The following LEPR variants were observed in gnomAD, a reference collection of about 807,000 sequenced individuals.
The protein encoded by LEPR is leptin receptor, also known as OB receptor.
Under a neutral mutation model 114.7 loss-of-function variants are expected in LEPR, and 56 were observed. That is an observed-to-expected ratio of 0.49 (90% CI 0.39 to 0.61). LEPR has a LOEUF of 0.61. Ranked by LOEUF, LEPR falls within the 20% of genes least tolerant of loss-of-function variation. The pLI is 0.00. For synonymous variants in LEPR, 443 were observed against 461.4 expected (o/e 0.96, Z 0.51); for missense variants, 1,202 against 1,352.9 (o/e 0.89, Z 1.75).
chr1:65,462,956 T>C (rs1448803416), intron 2 of LEPR, among the ~76,000 whole-genome samples: 3 of 152,228 alleles, frequency 2.0e-5, no homozygotes, highest in East Asian at 3.9e-4. Flanking sequence ...GCCTGTTCAC[T>C]CTGATGATAG....
intron 2 of LEPR, among the ~76,000 whole-genome samples, chr1:65,425,736 G>T (rs954364141): frequency 6.6e-6 from 1 of 152,208 alleles, no homozygotes; most frequent in Admixed American, 6.5e-5. Context: ...AGCACAGTAC[G>T]CTGGAGCTCG....
intron 2 of LEPR, among the ~76,000 whole-genome samples, chr1:65,464,170 A>G (rs1646981147): frequency 6.6e-6 from 1 of 152,130 alleles, no homozygotes; most frequent in African/African-American, 2.4e-5. Context: ...TTTGTCATAA[A>G]TGGCTCTTAT....
chr1:65,522,703 T>C (rs368276116), intron 2 of LEPR, among the ~76,000 whole-genome samples: 2 of 152,340 alleles, frequency 1.3e-5, no homozygotes, highest in African/African-American at 4.8e-5. Flanking sequence ...TTTAAGTAAC[T>C]ATAATTTCAG....
At position 65,495,885 on chromosome 1, in the gene LEPR, A is replaced by G. The variant is rs185403119; in HGVS notation, c.-20-69661A>G. On this transcript the variant is annotated intron_variant, in intron 2 of 19. Transcript: ENST00000349533. ...AGAATTAGAGAGTAGAATAGTGGTT[A>G]TCAGAGCTTGGGATGGGTAGGGGAG... Among the ~76,000 whole-genome samples, 411 of 152,314 alleles carry G rather than the reference A, an allele frequency of 2.7e-3. 4 individuals are homozygous for G. The highest frequency in any genetic ancestry group is 0.024 in the Admixed American group (372 of 15,302).
intron 2 of LEPR, among the ~76,000 whole-genome samples, chr1:65,487,801 A>C (rs1647571121): frequency 1.3e-5 from 2 of 152,070 alleles, no homozygotes; most frequent in South Asian, 4.1e-4. Flanking sequence ...GTAACACCTC[A>C]GGGTAATTGG....
At chr1:65,469,440 A>C (rs1647056245) in intron 2 of LEPR, among the ~76,000 whole-genome samples, 1 of 152,202 alleles carries the variant, frequency 6.6e-6, no homozygotes, top group South Asian at 2.1e-4. Context: ...TCAGGCTAGA[A>C]AGTTAGGCTG....
chr1:65,525,855 C>T (rs1219191181), intron 2 of LEPR: 1 of 981,058 alleles, frequency 1.0e-6, no homozygotes, highest in East Asian at 1.1e-4. Flanking sequence ...CCCCTATTGC[C>T]ACCTCTTCCC....
intron 2 of LEPR, among the ~76,000 whole-genome samples, chr1:65,436,973 A>G (rs1646572249): frequency 6.6e-6 from 1 of 152,190 alleles, no homozygotes; most frequent in South Asian, 2.1e-4. Flanking sequence ...GTAAAGTTTC[A>G]TGATTTCTTA....
chr1:65,488,582 G>C (rs1647702175), intron 2 of LEPR, among the ~76,000 whole-genome samples: 1 of 151,702 alleles, frequency 6.6e-6, no homozygotes, highest in Admixed American at 6.6e-5. Context: ...GCTTGCCTCA[G>C]CCTCCCAAAG....
Position 65,640,703 on chromosome 1 carries a change from T to G in LEPR, c.*3688T>G, listed in dbSNP as rs1053053050. 10 of 151,780 alleles carry G rather than the reference T, an allele frequency of 6.6e-5. No homozygotes were observed. The highest frequency in any genetic ancestry group is 2.2e-4 in the African/African-American group (9 of 41,310). The allele number at this position is 151,780 out of a possible 1,614,324, so 9.4% of individuals were successfully genotyped here. A position where few individuals can be genotyped will look rare whatever the true frequency, so the allele number is the denominator to read the frequency against. On this transcript the variant is annotated 3_prime_UTR_variant, in exon 20 of 20. Coordinates refer to ENST00000349533, the MANE Select transcript of LEPR (RefSeq NM_002303.6). ...GATATTGTTACATATTCAGCCTGTA[T>G]GAGAACTGGGATATTGTTGTTACAT... is the stretch of plus-strand genomic sequence containing the variant.
At chr1:65,526,152 T>A (rs920209120) in intron 2 of LEPR, 1 of 983,312 alleles carries the variant, frequency 1.0e-6, no homozygotes, top group African/African-American at 1.8e-5. Context: ...CCAGGCTTCG[T>A]GCCTACTTTG....
intron 2 of LEPR, among the ~76,000 whole-genome samples, chr1:65,456,159 C>T (rs953136823): frequency 1.3e-5 from 2 of 152,056 alleles, no homozygotes; most frequent in African/African-American, 2.4e-5. Context: ...GGTGCGCGCA[C>T]CCATTGACCT....
intron 2 of LEPR, among the ~76,000 whole-genome samples, chr1:65,528,843 C>A (rs1012918689): frequency 6.6e-6 from 1 of 152,126 alleles, no homozygotes; most frequent in Non-Finnish European, 1.5e-5. Context: ...CTTGCTCTGT[C>A]GCCCAGGTTG....
At position 65,514,478 on chromosome 1, in the gene LEPR, A is replaced by C. The variant is rs116353905; in HGVS notation, c.-20-51068A>C. 8.2e-3 allele frequency among the ~76,000 whole-genome samples: 1,255 copies of C among 152,344 alleles called. 13 individuals carry two copies. Among genetic ancestry groups the C allele is most frequent in the African/African-American group, 0.029 (1,195 of 41,584 alleles). On this transcript the variant is annotated intron_variant, in intron 2 of 19. Coordinates refer to ENST00000349533, the MANE Select transcript of LEPR (RefSeq NM_002303.6). The stretch of plus-strand genomic sequence containing the variant: ...TCCTCCCAATTATTTTAGTAAACCT[A>C]TGATTGTTGTAGATAAATTAGAAAA...
intron 2 of LEPR, among the ~76,000 whole-genome samples, chr1:65,555,114 C>T (rs555795456): frequency 1.3e-5 from 2 of 152,090 alleles, no homozygotes; most frequent in African/African-American, 4.8e-5. Flanking sequence ...CTGCCTCCTG[C>T]GTTGATCTCC....
Position 65,483,867 on chromosome 1 carries a change from A to G in LEPR, c.-21+58489A>G, listed in dbSNP as rs559047358. ...GTGACCACCCATCCTACTTGTCACT[A>G]TCTTCTTCCTTGTTTTTTTTTCTTT... On this transcript the variant is annotated intron_variant, in intron 2 of 19. Coordinates refer to ENST00000349533, the MANE Select transcript of LEPR (RefSeq NM_002303.6). Among the ~76,000 whole-genome samples, 11 of 151,642 alleles carry G rather than the reference A, an allele frequency of 7.3e-5. No individual in the cohort carries two copies. The South Asian group carries it at 2.1e-3, about 29-fold the overall frequency.
chr1:65,558,371 T>A (rs973900176), intron 2 of LEPR, among the ~76,000 whole-genome samples: 7 of 152,182 alleles, frequency 4.6e-5, no homozygotes, highest in Non-Finnish European at 8.8e-5. Context: ...TATACTCATT[T>A]ATTTTCTTCC....
chr1:65,530,235 G>A (rs899377555), intron 2 of LEPR, among the ~76,000 whole-genome samples: 4 of 152,052 alleles, frequency 2.6e-5, no homozygotes, highest in African/African-American at 2.4e-5. Context: ...CTCATACCTC[G>A]TTTGTAATGT....
intron 2 of LEPR, among the ~76,000 whole-genome samples, chr1:65,448,616 T>C (rs1200804007): frequency 1.3e-5 from 2 of 152,204 alleles, no homozygotes; most frequent in East Asian, 3.8e-4. Flanking sequence ...CCTTAAATGT[T>C]TGGTAGATAT....
Sources: allele counts gnomAD v4.1 joint callset (sites outside exome capture counted in the v4.1 genomes callset), GRCh38; gene constraint gnomAD v4.1.1; transcripts MANE v1.5; gene names NCBI Gene and HGNC (gene_info 2026-07-23, HGNC 2026-07-21).